The following CELF2 variants were observed in gnomAD, a reference collection of about 807,000 sequenced individuals.
CELF2 encodes the protein CUG triplet repeat RNA-binding protein 2.
Under a neutral mutation model 62.6 loss-of-function variants are expected in CELF2, and 8 were observed. The ratio of observed to expected loss-of-function variants is 0.13; its 90% CI spans 0.07 to 0.23. The LOEUF (loss-of-function observed/expected upper bound fraction) is 0.23, where lower values mean the gene tolerates loss of function less well. Ranked by LOEUF, CELF2 falls within the 10% of genes least tolerant of loss-of-function variation. The pLI is 1.00. For synonymous variants in CELF2, 258 were observed against 250.0 expected, an observed-to-expected ratio of 1.03 and a Z score of -0.30; for missense variants, 333 against 671.0, an observed-to-expected ratio of 0.50 and a Z score of 5.56.
chr10:11,014,587 G>A (rs759303191), upstream of CELF2, among the ~76,000 whole-genome samples: 12 of 151,938 alleles, frequency 7.9e-5, no homozygotes, highest in Non-Finnish European at 1.3e-4. Context: ...TGTACTCTGC[G>A]TACAAATGCA....
the CELF2 span, among the ~76,000 whole-genome samples, chr10:10,499,577 T>C: frequency 1.3e-5 from 2 of 152,166 alleles, no homozygotes; most frequent in South Asian, 4.1e-4. Context: ...GCTGGGATGA[T>C]GTGCAGAAAT....
chr10:10,564,044 C>T, the CELF2 span, among the ~76,000 whole-genome samples: 10,273 of 152,194 alleles, frequency 0.067, 1,145 homozygotes, highest in African/African-American at 0.23. Flanking sequence ...AGAAGTATAA[C>T]ATGTTAGGTT....
At chr10:10,484,340 C>G in the CELF2 span, among the ~76,000 whole-genome samples, 1 of 60,358 alleles carries the variant, frequency 1.7e-5, no homozygotes, top group Non-Finnish European at 3.1e-5. Flanking sequence ...TCATCTCACT[C>G]TCGTCTCACT....
the CELF2 span, among the ~76,000 whole-genome samples, chr10:10,534,839 G>T: frequency 6.6e-6 from 1 of 152,166 alleles, no homozygotes; most frequent in African/African-American, 2.4e-5. Flanking sequence ...CCTTTCCCTA[G>T]TAGGATTAGG....
intron 9 of CELF2, among the ~76,000 whole-genome samples, chr10:11,294,631 G>A (rs554058910): frequency 4.6e-5 from 7 of 152,334 alleles, no homozygotes; most frequent in South Asian, 4.1e-4. Context: ...TCTGTCACAC[G>A]GCCAGGCGCA....
the CELF2 span, among the ~76,000 whole-genome samples, chr10:10,707,138 A>C: frequency 1.1e-4 from 17 of 152,182 alleles, no homozygotes; most frequent in African/African-American, 3.9e-4. Context: ...TTAAATATTC[A>C]AATTCATTTG....
chr10:10,492,335 T>C, the CELF2 span, among the ~76,000 whole-genome samples: 1 of 152,170 alleles, frequency 6.6e-6, no homozygotes. Context: ...CTCTCCAGGA[T>C]AGCAATAGGA....
At chr10:10,974,983 A>C (rs1298822473) in intron 2 of CELF2, among the ~76,000 whole-genome samples, 1 of 152,246 alleles carries the variant, frequency 6.6e-6, no homozygotes, top group Non-Finnish European at 1.5e-5. Flanking sequence ...TGTAATCAAC[A>C]GTAGATAAAG....
At chr10:11,248,525 T>A (rs921830268) in intron 3 of CELF2, among the ~76,000 whole-genome samples, 1 of 152,236 alleles carries the variant, frequency 6.6e-6, no homozygotes, top group African/African-American at 2.4e-5. Flanking sequence ...AATTATATAC[T>A]GATACCAAAG....
At chr10:10,500,010 A>G in the CELF2 span, among the ~76,000 whole-genome samples, 2 of 152,220 alleles carry the variant, frequency 1.3e-5, no homozygotes, top group Non-Finnish European at 2.9e-5. Flanking sequence ...ACTCCATTAG[A>G]GCCTCACCGC....
Position 11,300,550 on chromosome 10 carries a change from C to T in CELF2, c.976+11998C>T, listed in dbSNP as rs1223855069. Among the ~76,000 whole-genome samples the T allele has an allele frequency of 6.6e-6, 1 of 152,158 alleles. No individual in the cohort carries two copies. The highest frequency in any genetic ancestry group is 1.5e-5 in the Non-Finnish European group (1 of 68,014). ...ACCTCCTCTTCCTCAGTCACCCCGC[C>T]CCTCCCTGCCCAAACTATCTTCGAG... is the stretch of plus-strand genomic sequence containing the variant. On this transcript the variant is annotated intron_variant, in intron 9 of 12. Coordinates refer to ENST00000633077, the MANE Select transcript of CELF2 (RefSeq NM_001326342.2). The surrounding 1 kb of genome is among the most constrained non-coding windows in gnomAD (Gnocchi z 5.5).
the CELF2 span, among the ~76,000 whole-genome samples, chr10:10,547,038 C>T: frequency 1.9e-4 from 29 of 152,114 alleles, no homozygotes; most frequent in Non-Finnish European, 3.2e-4. Context: ...ACCTGGGAGG[C>T]GGAGGTTGCA....
chr10:10,878,852 C>A (rs1249826875), intron 1 of CELF2, among the ~76,000 whole-genome samples: 3 of 152,188 alleles, frequency 2.0e-5, no homozygotes, highest in Non-Finnish European at 4.4e-5. Flanking sequence ...CTGCCAAGCT[C>A]TGGGTGAAGA....
the CELF2 span, among the ~76,000 whole-genome samples, chr10:10,501,265 T>G: frequency 6.6e-6 from 1 of 152,226 alleles, no homozygotes; most frequent in Non-Finnish European, 1.5e-5. Context: ...TTACCAGTAT[T>G]TGAATTTGTC....
intron 1 of CELF2, among the ~76,000 whole-genome samples, chr10:10,830,214 A>G (rs957013393): frequency 8.7e-5 from 13 of 149,718 alleles, no homozygotes; most frequent in African/African-American, 3.0e-4. Flanking sequence ...GCAATTGTTT[A>G]GGCTGTGAAA....
At chr10:10,533,316 A>G in the CELF2 span, among the ~76,000 whole-genome samples, 7,784 of 152,162 alleles carry the variant, frequency 0.051, 628 homozygotes, top group African/African-American at 0.18. Context: ...CAAGGGGAGG[A>G]GCATAGAGTC....
At chr10:10,508,471 A>T in the CELF2 span, among the ~76,000 whole-genome samples, 5 of 152,336 alleles carry the variant, frequency 3.3e-5, no homozygotes, top group East Asian at 9.6e-4. Context: ...GAGCCTCGGC[A>T]TGCTCTTGAA....
chr10:10,904,222 T>G (rs898833257), intron 1 of CELF2, among the ~76,000 whole-genome samples: 1 of 43,928 alleles, frequency 2.3e-5, no homozygotes, highest in Non-Finnish European at 4.2e-5. Context: ...ATTCTATCCA[T>G]TTTTAATTTT....
At chr10:11,062,827 C>T (rs2067134704) in intron 1 of CELF2, among the ~76,000 whole-genome samples, 1 of 152,154 alleles carries the variant, frequency 6.6e-6, no homozygotes, top group South Asian at 2.1e-4. Context: ...CTAACATGGG[C>T]AACGTGCTAT....
Sources: allele counts gnomAD v4.1 joint callset (sites outside exome capture counted in the v4.1 genomes callset), GRCh38; gene constraint gnomAD v4.1.1; non-coding constraint Gnocchi (gnomAD v3.1); transcripts MANE v1.5; gene names NCBI Gene and HGNC (gene_info 2026-07-23, HGNC 2026-07-21).